The following LRRC37A2 variants were observed in gnomAD, a reference collection of about 807,000 sequenced individuals.
The protein encoded by LRRC37A2 is leucine rich repeat containing 37 member A2.
In LRRC37A2, 9 loss-of-function variants were observed where a neutral mutation model predicts 68.8. That is an observed-to-expected ratio of 0.13 (90% CI 0.08 to 0.23). LRRC37A2 has a LOEUF of 0.23. Among genes scored for constraint, LRRC37A2 ranks in the 10% least tolerant of loss-of-function variants. The probability of loss-of-function intolerance (pLI) is 1.00; values close to 1 mark genes in which losing one functional copy is unlikely to be tolerated. For missense variants in LRRC37A2, 168 were observed against 950.4 expected, an observed-to-expected ratio of 0.18 and a Z score of 10.82; for synonymous variants, 63 against 367.6, an observed-to-expected ratio of 0.17 and a Z score of 9.48.
At chr17:46,822,216 G>C in the LRRC37A2 span, among the ~76,000 whole-genome samples, 1 of 152,274 alleles carries the variant, frequency 6.6e-6, no homozygotes, top group Middle Eastern at 3.4e-3. Context: ...GGAGCTGTAG[G>C]AACCGCAGAG....
chr17:46,872,587 G>A, the LRRC37A2 span: 9 of 1,610,142 alleles, frequency 5.6e-6, no homozygotes, highest in African/African-American at 1.3e-5. Flanking sequence ...ACAGGGCGGG[G>A]CCCACCTGAA....
the LRRC37A2 span, among the ~76,000 whole-genome samples, chr17:46,866,298 G>A: frequency 2.0e-5 from 3 of 152,280 alleles, no homozygotes; most frequent in Middle Eastern, 3.4e-3. Flanking sequence ...TGAACTCCCC[G>A]CTACTGGGAA....
At chr17:47,044,325 A>G in the LRRC37A2 span, among the ~76,000 whole-genome samples, 1 of 151,458 alleles carries the variant, frequency 6.6e-6, no homozygotes. Flanking sequence ...GTAATGTCTG[A>G]TGTTTGATTG....
At chr17:46,379,876 T>G in the LRRC37A2 span, among the ~76,000 whole-genome samples, 2 of 42,634 alleles carry the variant, frequency 4.7e-5, 1 homozygote, top group African/African-American at 1.9e-4. Flanking sequence ...GTTTTTTTTT[T>G]TTTTTTTTTT....
chr17:46,831,782 A>G, the LRRC37A2 span, among the ~76,000 whole-genome samples: 2 of 152,220 alleles, frequency 1.3e-5, no homozygotes, highest in East Asian at 1.9e-4. Context: ...GTCCCCGGAC[A>G]AGGCACTCAC....
chr17:46,840,211 C>G, the LRRC37A2 span, among the ~76,000 whole-genome samples: 3 of 151,784 alleles, frequency 2.0e-5, no homozygotes, highest in Non-Finnish European at 2.9e-5. Context: ...CTTAGCCTCC[C>G]GAGTAGCTGG....
chr17:46,859,833 A>G, the LRRC37A2 span, among the ~76,000 whole-genome samples: 1 of 152,204 alleles, frequency 6.6e-6, no homozygotes, highest in Non-Finnish European at 1.5e-5. Flanking sequence ...CACAGGCCAT[A>G]TCTTTCTATT....
At chr17:46,832,387 G>A in the LRRC37A2 span, among the ~76,000 whole-genome samples, 2 of 140,490 alleles carry the variant, frequency 1.4e-5, no homozygotes, top group African/African-American at 5.1e-5. Context: ...ACAAGACACA[G>A]GGGGGAAAAG....
chr17:46,794,040 G>A, the LRRC37A2 span, among the ~76,000 whole-genome samples: 2 of 152,138 alleles, frequency 1.3e-5, no homozygotes, highest in Admixed American at 1.3e-4. Context: ...AGTGTCACAC[G>A]GTGAAATCTA....
the LRRC37A2 span, among the ~76,000 whole-genome samples, chr17:46,951,316 C>T: frequency 6.6e-6 from 1 of 152,160 alleles, no homozygotes; most frequent in African/African-American, 2.4e-5. Flanking sequence ...ACCCATTGGA[C>T]CAGAGCTCAT....
chr17:46,730,244 A>T, the LRRC37A2 span, among the ~76,000 whole-genome samples: 1 of 152,202 alleles, frequency 6.6e-6, no homozygotes, highest in Admixed American at 6.5e-5. Flanking sequence ...TCAGCATATT[A>T]ATTATAAAAA....
chr17:46,558,390 T>G (rs1270111847), downstream of LRRC37A2, among the ~76,000 whole-genome samples: 18 of 105,740 alleles, frequency 1.7e-4, 1 homozygote, highest in East Asian at 3.5e-4. Flanking sequence ...TTTTTGTGTT[T>G]TGTTTGTTTG....
At chr17:46,802,318 T>A in the LRRC37A2 span, among the ~76,000 whole-genome samples, 7 of 152,286 alleles carry the variant, frequency 4.6e-5, no homozygotes, top group African/African-American at 1.4e-4. Context: ...CTGGCTGGAG[T>A]GCAGTGTTGT....
chr17:47,005,295 C>T, the LRRC37A2 span, among the ~76,000 whole-genome samples: 1 of 152,234 alleles, frequency 6.6e-6, no homozygotes, highest in Non-Finnish European at 1.5e-5. Flanking sequence ...CCTTTCCCCT[C>T]CTCTGTTGCT....
At chr17:46,405,032 C>G in the LRRC37A2 span, among the ~76,000 whole-genome samples, 1 of 80,380 alleles carries the variant, frequency 1.2e-5, no homozygotes, top group African/African-American at 3.9e-5. Context: ...ATGAAACCCC[C>G]GACTCTACCA....
chr17:46,907,208 C>T, the LRRC37A2 span, among the ~76,000 whole-genome samples: 1 of 152,218 alleles, frequency 6.6e-6, no homozygotes, highest in African/African-American at 2.4e-5. Context: ...GATTCAAACA[C>T]AGGCCTTTCT....
chr17:46,755,619 C>A, the LRRC37A2 span: 1 of 715,950 alleles, frequency 1.4e-6, no homozygotes, highest in Non-Finnish European at 2.3e-6. Flanking sequence ...TTGGAACCTG[C>A]TTTTACATGC....
At chr17:46,888,839 T>C in the LRRC37A2 span, among the ~76,000 whole-genome samples, 1 of 152,174 alleles carries the variant, frequency 6.6e-6, no homozygotes, top group African/African-American at 2.4e-5. Flanking sequence ...ATGCTTCACT[T>C]GGATTTGATT....
the LRRC37A2 span, among the ~76,000 whole-genome samples, chr17:46,709,147 A>G: frequency 3.9e-5 from 6 of 152,098 alleles, no homozygotes; most frequent in African/African-American, 9.7e-5. Context: ...AACAATAATT[A>G]TTTGTTCCAA....
Sources: allele counts gnomAD v4.1 joint callset (sites outside exome capture counted in the v4.1 genomes callset), GRCh38; gene constraint gnomAD v4.1.1; transcripts MANE v1.5; gene names NCBI Gene and HGNC (gene_info 2026-07-23, HGNC 2026-07-21).